DOCK1: variants seen among roughly 807,000 people sequenced by gnomAD.
DOCK1 encodes the protein dedicator of cytokinesis 1.
DOCK1 carries 138 observed loss-of-function variants against 262.7 expected under a neutral mutation model. The ratio of observed to expected loss-of-function variants is 0.53; its 90% CI spans 0.46 to 0.61. The LOEUF is 0.61. Ranked by LOEUF, DOCK1 falls within the 20% of genes least tolerant of loss-of-function variation. DOCK1 has a pLI of 0.00. For synonymous variants in DOCK1, 866 were observed against 867.4 expected (o/e 1.00, Z 0.03); for missense variants, 1,908 against 2,370.7 (o/e 0.80, Z 4.05).
intron 1 of DOCK1, among the ~76,000 whole-genome samples, chr10:126,937,624 T>C (rs1466426308): frequency 6.6e-6 from 1 of 152,144 alleles, no homozygotes; most frequent in Non-Finnish European, 1.5e-5. Context: ...TGAGCTTTTT[T>C]TTCATGAGCT....
chr10:127,017,731 C>T (rs9418784), intron 12 of DOCK1, among the ~76,000 whole-genome samples: 61,463 of 152,074 alleles, frequency 0.4, 12,695 homozygotes, highest in African/African-American at 0.48. Context: ...GGCAGCCCCC[C>T]CTGAGGCCTC....
intron 27 of DOCK1, among the ~76,000 whole-genome samples, chr10:127,219,780 C>A (rs1395523045): frequency 6.6e-6 from 1 of 152,052 alleles, no homozygotes; most frequent in Non-Finnish European, 1.5e-5. Flanking sequence ...CATTGCCAAC[C>A]ATGACCCTGC....
intron 27 of DOCK1, chr10:127,153,786 C>G (rs2052746486): frequency 7.9e-7 from 1 of 1,266,578 alleles, no homozygotes; most frequent in South Asian, 1.2e-5. Flanking sequence ...ATCGTTCTTG[C>G]ATTTGTGGGT....
intron 16 of DOCK1, among the ~76,000 whole-genome samples, chr10:127,027,605 A>G (rs2135491922): frequency 1.1e-4 from 1 of 8,854 alleles, no homozygotes; most frequent in Non-Finnish European, 1.7e-4. Context: ...AAGCAAAACA[A>G]AAAAAACATT....
chr10:127,247,117 C>A (rs574056835), intron 27 of DOCK1, among the ~76,000 whole-genome samples: 2 of 152,244 alleles, frequency 1.3e-5, no homozygotes, highest in Non-Finnish European at 2.9e-5. Flanking sequence ...AAACACCCTT[C>A]AGGGCACGCA....
intron 23 of DOCK1, among the ~76,000 whole-genome samples, chr10:127,096,356 G>C (rs957194619): frequency 1.3e-5 from 2 of 152,130 alleles, no homozygotes; most frequent in Non-Finnish European, 2.9e-5. Flanking sequence ...AAGTTTATCT[G>C]TTTTTCCGGA....
intron 1 of DOCK1, among the ~76,000 whole-genome samples, chr10:126,948,739 G>T (rs2035864791): frequency 6.6e-6 from 1 of 152,056 alleles, no homozygotes; most frequent in South Asian, 2.1e-4. Context: ...CTGCCATCCA[G>T]CCTGGATCCC....
chr10:126,911,854 C>G (rs1206747096), intron 1 of DOCK1, among the ~76,000 whole-genome samples: 2 of 152,162 alleles, frequency 1.3e-5, no homozygotes, highest in Non-Finnish European at 2.9e-5. Flanking sequence ...CCTCAATTTG[C>G]TTTTATTGAT....
chr10:127,174,480 C>T (rs938707194), intron 27 of DOCK1, among the ~76,000 whole-genome samples: 2 of 152,166 alleles, frequency 1.3e-5, no homozygotes, highest in Non-Finnish European at 2.9e-5. Context: ...TGCTGCTGCA[C>T]AGTTTAAACT....
At chr10:127,310,141 T>G (rs1028297570) in intron 29 of DOCK1, among the ~76,000 whole-genome samples, 2 of 152,082 alleles carry the variant, frequency 1.3e-5, no homozygotes, top group African/African-American at 2.4e-5. Flanking sequence ...TCCCAAAGTG[T>G]TGGGATTATA....
At chr10:127,224,617 G>C (rs1281067488) in intron 27 of DOCK1, among the ~76,000 whole-genome samples, 7 of 151,556 alleles carry the variant, frequency 4.6e-5, no homozygotes, top group Non-Finnish European at 1.0e-4. Context: ...CTGCTTGGGA[G>C]CCTGAGGTAG....
rs1564786142 is a variant in DOCK1, at chr10:127,077,461, G to GT, written c.2445+15686dup. Among the ~76,000 whole-genome samples the GT allele has an allele frequency of 2.6e-5, 4 of 152,188 alleles. No homozygotes were observed. In the South Asian group the frequency reaches 8.3e-4, roughly 32 times the overall value. ...AAGTACTTCTCCAGCACTGCTTCAT[G>GT]TCGGTTGGCTTCTCCAGACATGGGC... On this transcript the variant is annotated intron_variant, in intron 23 of 51. Coordinates refer to ENST00000623213, the MANE Select transcript of DOCK1 (RefSeq NM_001290223.2).
At chr10:127,251,600 C>G (rs2059646662) in intron 28 of DOCK1, among the ~76,000 whole-genome samples, 1 of 137,868 alleles carries the variant, frequency 7.3e-6, no homozygotes, top group South Asian at 2.4e-4. Flanking sequence ...TCTCATTGTT[C>G]AATTCCCACC....
intron 27 of DOCK1, among the ~76,000 whole-genome samples, chr10:127,197,588 A>G (rs1048008053): frequency 1.3e-5 from 2 of 152,196 alleles, no homozygotes; most frequent in Non-Finnish European, 2.9e-5. Flanking sequence ...AGGTCAGAGA[A>G]GTAGTGGACC....
At chr10:127,381,758 G>A (rs1488452635) in intron 37 of DOCK1, among the ~76,000 whole-genome samples, 1 of 152,184 alleles carries the variant, frequency 6.6e-6, no homozygotes, top group Non-Finnish European at 1.5e-5. Context: ...ACCCCTAATT[G>A]TCTTAGTAAA....
chr10:126,940,712 C>G (rs1458327946), intron 1 of DOCK1, among the ~76,000 whole-genome samples: 1 of 152,148 alleles, frequency 6.6e-6, no homozygotes, highest in Non-Finnish European at 1.5e-5. Flanking sequence ...CCCAAAGTAC[C>G]TATTTTAGTA....
At chr10:127,411,627 G>A (rs765086329) in intron 43 of DOCK1, among the ~76,000 whole-genome samples, 2 of 152,036 alleles carry the variant, frequency 1.3e-5, no homozygotes, top group African/African-American at 2.4e-5. Flanking sequence ...GATCAAATTA[G>A]TTCAGGAGTT....
intron 1 of DOCK1, among the ~76,000 whole-genome samples, chr10:126,945,191 C>A (rs895198668): frequency 2.1e-4 from 32 of 152,074 alleles, no homozygotes; most frequent in Non-Finnish European, 3.5e-4. Flanking sequence ...CCAGCTCAGG[C>A]CCTCTGAAGG....
At chr10:127,343,832 A>C in intron 31 of DOCK1, 86 bp downstream of exon 31, 2 of 1,112,030 alleles carry the variant, frequency 1.8e-6, no homozygotes, top group Non-Finnish European at 2.6e-6. Context: ...AGCCAACTTG[A>C]TACAAATTGA....
Sources: gnomAD v4.1 joint callset for allele counts (sites outside exome capture counted in the v4.1 genomes callset) on GRCh38, gnomAD v4.1.1 for gene constraint, MANE v1.5 for transcripts, NCBI Gene and HGNC (gene_info 2026-07-23, HGNC 2026-07-21) for gene names.